Variants in GRM7 observed in about 807,000 individuals in gnomAD.
GRM7 encodes glutamate metabotropic receptor 7.
A neutral mutation model predicts 84.5 loss-of-function variants in GRM7; 35 were observed. That is an observed-to-expected ratio of 0.41 (90% CI 0.32 to 0.55). The LOEUF (loss-of-function observed/expected upper bound fraction) is 0.55. GRM7 is among the 20% of genes least tolerant of loss of function. The pLI is 0.19. For missense variants in GRM7, 1,003 were observed against 1,194.6 expected, an observed-to-expected ratio of 0.84 and a Z score of 2.36; for synonymous variants, 487 against 455.1, an observed-to-expected ratio of 1.07 and a Z score of -0.89.
intron 9 of GRM7, among the ~76,000 whole-genome samples, chr3:7,690,832 G>T (rs1700773396): frequency 6.6e-6 from 1 of 152,190 alleles, no homozygotes; most frequent in African/African-American, 2.4e-5. Context: ...TTTCCTTAGA[G>T]ACTGTCATTC....
intron 8 of GRM7, among the ~76,000 whole-genome samples, chr3:7,624,451 C>G (rs756414567): frequency 6.0e-5 from 9 of 151,018 alleles, no homozygotes; most frequent in Non-Finnish European, 1.2e-4. Flanking sequence ...CGTAATTATA[C>G]ATACATATAA....
chr3:7,415,259 T>C (rs1462460678), intron 5 of GRM7, 96 bp downstream of exon 5: 2 of 1,052,880 alleles, frequency 1.9e-6, no homozygotes, highest in African/African-American at 3.2e-5. Context: ...TGGAGACAAA[T>C]TGAAAAAGTA....
chr3:7,570,652 C>A (rs1214441830), intron 7 of GRM7, among the ~76,000 whole-genome samples: 1 of 152,358 alleles, frequency 6.6e-6, no homozygotes, highest in African/African-American at 2.4e-5. Flanking sequence ...GGGTCTGTGG[C>A]TTTTCCACAC....
At chr3:7,431,470 A>C (rs1696827414) in intron 5 of GRM7, among the ~76,000 whole-genome samples, 2 of 152,232 alleles carry the variant, frequency 1.3e-5, no homozygotes, top group Admixed American at 1.3e-4. Flanking sequence ...AAAACTGATT[A>C]AACAGTTCAC....
At chr3:6,955,841 C>CA (rs35751915) in intron 1 of GRM7, among the ~76,000 whole-genome samples, 52,536 of 141,088 alleles carry the variant, frequency 0.37, 9,944 homozygotes, top group African/African-American at 0.48. Flanking sequence ...GACTCTATCT[C>CA]AAAAAAAAAA....
chr3:7,186,807 C>T (rs1695531142), intron 2 of GRM7, among the ~76,000 whole-genome samples: 2 of 152,028 alleles, frequency 1.3e-5, no homozygotes, highest in Non-Finnish European at 2.9e-5. Context: ...GTTAATTAGT[C>T]TTCTATTGTT....
At chr3:7,412,985 GACACACAC>G (rs59610581) in intron 4 of GRM7, among the ~76,000 whole-genome samples, 6 of 148,810 alleles carry the variant, frequency 4.0e-5, no homozygotes, top group East Asian at 3.9e-4. Flanking sequence ...AATTCACTAT[GACACACAC>G]ACACACACAC....
At chr3:7,568,450 C>G (rs958219800) in intron 7 of GRM7, among the ~76,000 whole-genome samples, 2 of 152,230 alleles carry the variant, frequency 1.3e-5, no homozygotes, top group African/African-American at 4.8e-5. Context: ...TGCTGACAGC[C>G]CTCACTCGCT....
intron 8 of GRM7, among the ~76,000 whole-genome samples, chr3:7,677,750 G>A (rs764057620): frequency 1.9e-4 from 29 of 152,152 alleles, no homozygotes; most frequent in Non-Finnish European, 3.5e-4. Context: ...TTAAGAAAAA[G>A]TATGTATGTT....
chr3:7,166,266 T>C (rs1041752834), intron 2 of GRM7, among the ~76,000 whole-genome samples: 4 of 152,224 alleles, frequency 2.6e-5, no homozygotes, highest in Non-Finnish European at 4.4e-5. Flanking sequence ...GTGGCGTCTA[T>C]GAATTCTTTT....
intron 2 of GRM7, among the ~76,000 whole-genome samples, chr3:7,154,877 C>CTTCACAAAAATG (rs747225112): frequency 2.2e-4 from 34 of 152,102 alleles, no homozygotes; most frequent in Non-Finnish European, 4.1e-4. Flanking sequence ...TCTTCCTAGT[C>CTTCACAAAAATG]TTCACAAAAA....
intron 4 of GRM7, among the ~76,000 whole-genome samples, chr3:7,311,873 G>T (rs1700409867): frequency 6.6e-6 from 1 of 152,116 alleles, no homozygotes; most frequent in Non-Finnish European, 1.5e-5. Flanking sequence ...AGGATTACAG[G>T]CATAAGCCAC....
intron 7 of GRM7, among the ~76,000 whole-genome samples, chr3:7,574,479 A>G (rs1694861720): frequency 6.6e-6 from 1 of 152,188 alleles, no homozygotes; most frequent in African/African-American, 2.4e-5. Flanking sequence ...TTCTTGTTGA[A>G]AAATGGCTAC....
At chr3:7,419,179 C>A (rs190754627) in intron 5 of GRM7, among the ~76,000 whole-genome samples, 1 of 152,200 alleles carries the variant, frequency 6.6e-6, no homozygotes, top group East Asian at 1.9e-4. Flanking sequence ...TACTGGGGTG[C>A]ACACTATATA....
At position 7,415,914 on chromosome 3, in the gene GRM7, G is replaced by A. The variant is rs1002357761; in HGVS notation, c.1174+751G>A. Among the ~76,000 whole-genome samples the A allele has an allele frequency of 2.0e-5, 3 of 152,024 alleles. No individual in the cohort carries two copies. In the South Asian group the frequency reaches 6.2e-4, roughly 31 times the overall value. Reference sequence around the variant, plus strand: ...TAATCCATGTTCTGAGTGTTATGAGGGCATATAACTAAGGAAGTTTACTAA... The same window carrying A: ...TAATCCATGTTCTGAGTGTTATGAGAGCATATAACTAAGGAAGTTTACTAA... On this transcript the variant is annotated intron_variant, in intron 5 of 9. Transcript: ENST00000357716.
chr3:7,221,953 C>T (rs1323163465), intron 2 of GRM7, among the ~76,000 whole-genome samples: 1 of 151,618 alleles, frequency 6.6e-6, no homozygotes, highest in Non-Finnish European at 1.5e-5. Flanking sequence ...ATTATAGGCA[C>T]CCGCTACCAC....
chr3:7,660,798 TAG>T, intron 8 of GRM7, among the ~76,000 whole-genome samples: 1 of 53,116 alleles, frequency 1.9e-5, no homozygotes, highest in South Asian at 7.1e-4. Flanking sequence ...TAGAACTGAG[TAG>T]AGTCCAGAAC....
At position 7,136,360 on chromosome 3, in the gene GRM7, T is replaced by C. The variant is rs76483223; in HGVS notation, c.520-10092T>C. Among the ~76,000 whole-genome samples, 1,152 of 152,036 alleles carry C rather than the reference T, an allele frequency of 7.6e-3. 13 individuals carry two copies. Among genetic ancestry groups the C allele is most frequent in the African/African-American group, 0.026 (1,065 of 41,490 alleles). ...TCTTTAAAATGACAAATCCTAGTTATGTCTGGCAAAGTTTGAATCCTGAGG... is the reference window on the plus strand; with the variant it reads ...TCTTTAAAATGACAAATCCTAGTTACGTCTGGCAAAGTTTGAATCCTGAGG... On this transcript the variant is annotated intron_variant, in intron 1 of 9. Coordinates refer to ENST00000357716, the MANE Select transcript of GRM7 (RefSeq NM_000844.4).
At chr3:6,870,615 G>C (rs1017274426) in intron 1 of GRM7, among the ~76,000 whole-genome samples, 1 of 152,182 alleles carries the variant, frequency 6.6e-6, no homozygotes, top group African/African-American at 2.4e-5. Flanking sequence ...CTGTGGTATT[G>C]AGGGTAAGGG....
Sources: allele counts gnomAD v4.1 joint callset (sites outside exome capture counted in the v4.1 genomes callset), GRCh38; gene constraint gnomAD v4.1.1; transcripts MANE v1.5; gene names NCBI Gene and HGNC (gene_info 2026-07-23, HGNC 2026-07-21).